TPP2: variants seen among roughly 807,000 people sequenced by gnomAD.
TPP2 encodes tripeptidyl-peptidase 2.
A neutral mutation model predicts 155.9 loss-of-function variants in TPP2; 34 were observed. That is an observed-to-expected ratio of 0.22 (90% confidence interval 0.17 to 0.29). The LOEUF (loss-of-function observed/expected upper bound fraction) is 0.29. TPP2 is among the 10% of genes least tolerant of loss of function. The pLI, the probability that TPP2 is intolerant of heterozygous loss-of-function variation, is 1.00. For synonymous variants in TPP2, 510 were observed against 529.4 expected (o/e 0.96, Z 0.50); for missense variants, 1,028 against 1,522.3 (o/e 0.68, Z 5.40).
At chr13:102,642,750 C>T (rs1392263352) in intron 16 of TPP2, among the ~76,000 whole-genome samples, 1 of 152,120 alleles carries the variant, frequency 6.6e-6, no homozygotes, top group African/African-American at 2.4e-5. Flanking sequence ...TTTGTAGACG[C>T]ACACAGTACA....
chr13:102,666,983 C>T (rs887751912), intron 27 of TPP2, among the ~76,000 whole-genome samples: 2 of 151,950 alleles, frequency 1.3e-5, no homozygotes, highest in African/African-American at 4.8e-5. Flanking sequence ...CAGGCCTTTG[C>T]TTTGGCCTGA....
chr13:102,670,847 T>C (rs1884928922), intron 27 of TPP2, among the ~76,000 whole-genome samples: 1 of 152,246 alleles, frequency 6.6e-6, no homozygotes, highest in African/African-American at 2.4e-5. Context: ...ATCCACGATA[T>C]TTCTAAGGAG....
intron 11 of TPP2, among the ~76,000 whole-genome samples, chr13:102,634,413 T>A (rs60413757): frequency 0.15 from 22,668 of 152,128 alleles, 2,021 homozygotes; most frequent in African/African-American, 0.25. Flanking sequence ...AAACAGACTC[T>A]GAACAAAATA....
chr13:102,607,374 A>G (rs745988647), intron 2 of TPP2, among the ~76,000 whole-genome samples: 1 of 152,190 alleles, frequency 6.6e-6, no homozygotes, highest in South Asian at 2.1e-4. Flanking sequence ...GGAAATGGTC[A>G]ATGGAGCATT....
At chr13:102,627,700 C>T in intron 7 of TPP2, 148 bp from the exon 8 acceptor site, 1 of 536,926 alleles carries the variant, frequency 1.9e-6, no homozygotes, top group Non-Finnish European at 3.2e-6. Flanking sequence ...CTTATATGTC[C>T]AGGTATATGG....
At chr13:102,609,438 C>T (rs1204174456) in intron 2 of TPP2, among the ~76,000 whole-genome samples, 1 of 114,910 alleles carries the variant, frequency 8.7e-6, no homozygotes, top group African/African-American at 3.7e-5. Flanking sequence ...GGTCTTGTTG[C>T]CCAGACTGGA....
intron 24 of TPP2, among the ~76,000 whole-genome samples, chr13:102,651,675 TAAC>T (rs1327049317): frequency 2.0e-5 from 3 of 152,034 alleles, no homozygotes; most frequent in Admixed American, 6.6e-5. Flanking sequence ...ACAGATATGA[TAAC>T]AAGTAGCAAT....
intron 6 of TPP2, among the ~76,000 whole-genome samples, chr13:102,624,700 T>G (rs1566333764): frequency 6.6e-6 from 1 of 152,180 alleles, no homozygotes; most frequent in African/African-American, 2.4e-5. Flanking sequence ...TAGTTCTTTA[T>G]ATAGCTACAC....
At chr13:102,607,736 G>A (rs1268894388) in intron 2 of TPP2, 5 of 403,576 alleles carry the variant, frequency 1.2e-5, no homozygotes, top group East Asian at 1.7e-4. Context: ...ACAGGCATGC[G>A]CCATGACACT....
chr13:102,626,862 T>C, intron 6 of TPP2, 150 bp from the exon 7 acceptor site: 7 of 615,636 alleles, frequency 1.1e-5, no homozygotes, highest in Non-Finnish European at 1.7e-5. Context: ...TGCAAATACT[T>C]TCCTTTGTGA....
At chr13:102,619,224 C>CT (rs1342877674) in intron 5 of TPP2, among the ~76,000 whole-genome samples, 1 of 152,138 alleles carries the variant, frequency 6.6e-6, no homozygotes, top group Non-Finnish European at 1.5e-5. Context: ...GCTGTTGCTG[C>CT]TGCTGTTTCT....
intron 6 of TPP2, among the ~76,000 whole-genome samples, chr13:102,626,041 ACTT>A (rs754452360): frequency 6.6e-6 from 1 of 152,242 alleles, no homozygotes; most frequent in Non-Finnish European, 1.5e-5. Flanking sequence ...CAAAGTGGAC[ACTT>A]CTTTGTAACT....
At chr13:102,659,570 A>T (rs1302345200) in intron 25 of TPP2, among the ~76,000 whole-genome samples, 2 of 152,328 alleles carry the variant, frequency 1.3e-5, no homozygotes, top group South Asian at 4.1e-4. Flanking sequence ...ATATATTCAG[A>T]GTGCTCAAAA....
chr13:102,639,162 T>TA lies in TPP2; in HGVS notation c.1913+848dup, dbSNP rs892678444. ...ATATATTGTAATTTTTTATTTAACT[T>TA]ACACTCTTTCACTGTGAGCCCACCG... On this transcript the variant is annotated intron_variant, in intron 15 of 29. Transcript: ENST00000376052. Among the ~76,000 whole-genome samples the TA allele has an allele frequency of 7.9e-5, 12 of 152,282 alleles. 1 individual carries two copies. The highest frequency in any genetic ancestry group is 1.9e-4 in the East Asian group (1 of 5,192).
intron 24 of TPP2, 91 bp downstream of exon 24, chr13:102,651,488 TA>T: frequency 7.5e-7 from 1 of 1,333,816 alleles, no homozygotes; most frequent in Non-Finnish European, 1.0e-6. Context: ...TTTTTTTTAA[TA>T]AGTCTCCCTT....
intron 25 of TPP2, among the ~76,000 whole-genome samples, chr13:102,663,140 A>T (rs573277895): frequency 5.4e-3 from 300 of 55,474 alleles, no homozygotes; most frequent in Middle Eastern, 0.014. Flanking sequence ...ATTTTTTTTA[A>T]TTAATTAATT....
At chr13:102,613,179 G>C (rs997421885) in intron 2 of TPP2, among the ~76,000 whole-genome samples, 1 of 152,154 alleles carries the variant, frequency 6.6e-6, no homozygotes, top group African/African-American at 2.4e-5. Flanking sequence ...TGGCACAGAG[G>C]CCTTCAAAAG....
At chr13:102,616,918 GTT>G (rs67497572) in intron 4 of TPP2, among the ~76,000 whole-genome samples, 2 of 143,566 alleles carry the variant, frequency 1.4e-5, no homozygotes, top group Non-Finnish European at 3.1e-5. Flanking sequence ...TTTGTTTTTT[GTT>G]TTTTTTTTTT....
intron 24 of TPP2, among the ~76,000 whole-genome samples, chr13:102,653,467 A>T (rs1236463576): frequency 1.3e-5 from 2 of 152,110 alleles, no homozygotes; most frequent in Non-Finnish European, 2.9e-5. Context: ...ATCGTAGCTC[A>T]CTGTTGCCTC....
Sources: gnomAD v4.1 joint callset for allele counts (sites outside exome capture counted in the v4.1 genomes callset) on GRCh38, gnomAD v4.1.1 for gene constraint, MANE v1.5 for transcripts, NCBI Gene and HGNC (gene_info 2026-07-23, HGNC 2026-07-21) for gene names.